Variants in CSN1S1 observed in about 807,000 individuals in gnomAD.
CSN1S1 encodes casein alpha s1.
CSN1S1 carries 63 observed loss-of-function variants against 49.1 expected under a neutral mutation model. That is an observed-to-expected ratio of 1.28 (90% CI 1.05 to 1.58). The LOEUF (loss-of-function observed/expected upper bound fraction) is 1.58. Among genes scored for constraint, CSN1S1 ranks in the 40% most tolerant of loss-of-function variants. The pLI is 0.00. For synonymous variants in CSN1S1, 78 were observed against 67.1 expected (o/e 1.16, Z -0.79); for missense variants, 260 against 224.7 (o/e 1.16, Z -1.01).
chr4:69,938,502 C>A (rs896508217), intron 9 of CSN1S1, among the ~76,000 whole-genome samples: 2 of 151,590 alleles, frequency 1.3e-5, no homozygotes, highest in African/African-American at 4.8e-5. Flanking sequence ...GATCAGTGAG[C>A]TATACTACCT....
At position 69,934,729 on chromosome 4, in the gene CSN1S1, G is replaced by T. The variant is rs1229973119; in HGVS notation, c.105+19G>T. The T allele has an allele frequency of 1.2e-6, 2 of 1,605,080 alleles. No individual in the cohort carries two copies. The highest frequency in any genetic ancestry group is 3.4e-5 in the Admixed American group (2 of 59,566). ...CAGTGAGGTAAGCTCTGTTTATGGG[G>T]AGTCAGGATTCTCTCTTCCTTTTGC... On this transcript the variant is annotated intron_variant, in intron 4 of 15. Coordinates refer to ENST00000246891, the MANE Select transcript of CSN1S1 (RefSeq NM_001890.2).
intron 10 of CSN1S1, among the ~76,000 whole-genome samples, chr4:69,939,703 A>G (rs1722912519): frequency 6.6e-6 from 1 of 151,816 alleles, no homozygotes; most frequent in South Asian, 2.1e-4. Context: ...TTGACTTTGG[A>G]AGAAGACCTT....
chr4:69,934,814 C>A, intron 4 of CSN1S1, 104 bp downstream of exon 4: 1 of 1,004,504 alleles, frequency 1.0e-6, no homozygotes, highest in Non-Finnish European at 1.5e-6. Flanking sequence ...TTTTATTTCC[C>A]TTCAAATGCA....
chr4:69,932,428 C>A, intron 1 of CSN1S1, 116 bp from the exon 2 acceptor site: 1 of 795,638 alleles, frequency 1.3e-6, no homozygotes, highest in South Asian at 1.7e-5. Context: ...TACAGCTCCT[C>A]AAATCAGCCT....
At chr4:69,937,192 A>G in intron 8 of CSN1S1, 48 bp downstream of exon 8, 2 of 1,242,050 alleles carry the variant, frequency 1.6e-6, no homozygotes, top group Admixed American at 2.6e-5. Flanking sequence ...AGGAAAAGAA[A>G]CAATACATAT....
At chr4:69,935,407 G>A (rs1199929620) in intron 4 of CSN1S1, among the ~76,000 whole-genome samples, 7 of 151,474 alleles carry the variant, frequency 4.6e-5, no homozygotes, top group African/African-American at 9.7e-5. Flanking sequence ...AAAAATAGTC[G>A]GATGTGGCGG....
chr4:69,944,714 T>C, intron 14 of CSN1S1, 136 bp from the exon 15 acceptor site: 4 of 975,370 alleles, frequency 4.1e-6, no homozygotes, highest in Non-Finnish European at 6.1e-6. Context: ...TGATTTATTC[T>C]TTTCCCTCAC....
rs1412790136 is a variant in CSN1S1 at position 69,940,063 on chromosome 4, A to G, written c.300+19A>G. On this transcript the variant is annotated intron_variant, in intron 11 of 15. Coordinates refer to ENST00000246891, the MANE Select transcript of CSN1S1 (RefSeq NM_001890.2). ...GTGTGCGGTAAGACATATTTGCTAA[A>G]TTTAAAATATATTAATATTTTCCAG... 3 of 1,275,270 alleles carry G rather than the reference A, an allele frequency of 2.4e-6. No individual in the cohort carries two copies. Among genetic ancestry groups the G allele is most frequent in the East Asian group, 5.4e-5 (2 of 36,842 alleles). 79.0% of individuals were successfully genotyped at this position (1,275,270 alleles called of 1,614,324 possible).
At chr4:69,936,342 G>A (rs192140921) in intron 5 of CSN1S1, 114 bp from the exon 6 acceptor site, 33 of 846,666 alleles carry the variant, frequency 3.9e-5, no homozygotes, top group Non-Finnish European at 5.3e-5. Context: ...CAGGAAAAAT[G>A]GATTTATTTT....
intron 2 of CSN1S1, among the ~76,000 whole-genome samples, chr4:69,933,173 A>G (rs1722663312): frequency 6.6e-6 from 1 of 151,972 alleles, no homozygotes; most frequent in Non-Finnish European, 1.5e-5. Flanking sequence ...ATGAAACTAG[A>G]TAATGTGAAT....
At position 69,941,018 on chromosome 4, in the gene CSN1S1, G is replaced by C. The variant is rs1207375817; in HGVS notation, c.301-1G>C. ...TTGAGAATATTTTTCTTTTTAAATA[G>C]GAACAGTTTTGTAGACTGAACGAAT... On this transcript the variant is annotated splice_acceptor_variant, in intron 11 of 15. Coordinates refer to ENST00000246891, the MANE Select transcript of CSN1S1 (RefSeq NM_001890.2). LOFTEE classifies it high-confidence loss of function. 4.4e-5 allele frequency: 66 copies of C among 1,500,072 alleles called. No homozygotes were observed. The highest frequency in any genetic ancestry group is 6.0e-5 in the Non-Finnish European group (66 of 1,099,066). 92.9% of individuals were successfully genotyped at this position (1,500,072 alleles called of 1,614,324 possible). A position where few individuals can be genotyped will look rare whatever the true frequency, so the allele number is the denominator to read the frequency against.
intron 4 of CSN1S1, among the ~76,000 whole-genome samples, chr4:69,935,562 T>A (rs1722749927): frequency 6.6e-6 from 1 of 152,048 alleles, no homozygotes; most frequent in South Asian, 2.1e-4. Context: ...TTGTTGTTGT[T>A]GTTGTTTAAC....
chr4:69,935,499 G>T (rs1028233838), intron 4 of CSN1S1, among the ~76,000 whole-genome samples: 14 of 152,050 alleles, frequency 9.2e-5, no homozygotes, highest in African/African-American at 3.4e-4. Flanking sequence ...GCAATGAGTC[G>T]TGATAGCACA....
At chr4:69,935,052 G>A (rs1311624660) in intron 4 of CSN1S1, among the ~76,000 whole-genome samples, 2 of 151,982 alleles carry the variant, frequency 1.3e-5, no homozygotes, top group African/African-American at 4.8e-5. Flanking sequence ...GAATTAAATG[G>A]AGCATTTGTG....
rs758863090 is a variant in CSN1S1 at position 69,934,190 on chromosome 4, A to G, written c.52-22A>G. The G allele has an allele frequency of 1.3e-5, 20 of 1,597,398 alleles. 1 individual carries two copies. The South Asian group carries it at 1.9e-4, about 15-fold the overall frequency. On this transcript the variant is annotated intron_variant, in intron 2 of 15. Transcript: ENST00000246891. ...CATTTTAGTTACTTTTTGTTTTACA[A>G]TTCTTGCATTGTTTTTCACAGAAAC...
At chr4:69,938,260 T>C (rs990144707) in intron 9 of CSN1S1, among the ~76,000 whole-genome samples, 19 of 151,764 alleles carry the variant, frequency 1.3e-4, no homozygotes, top group Non-Finnish European at 2.5e-4. Context: ...ATGAGTATGT[T>C]AGACACAGGT....
At position 69,935,912 on chromosome 4, in the gene CSN1S1, T is replaced by G. The variant is rs1722764396; in HGVS notation, c.106-14T>G. On this transcript the variant is annotated splice_polypyrimidine_tract_variant and intron_variant, in intron 4 of 15. Coordinates refer to ENST00000246891, the MANE Select transcript of CSN1S1 (RefSeq NM_001890.2). ...AACTATGAATGAATTTTAACATAAC[T>G]TTTTTTTTTGTAGCCTATACCATTA... 1 of 1,209,400 alleles carries G rather than the reference T, an allele frequency of 8.3e-7. No homozygotes were observed. Among genetic ancestry groups the G allele is most frequent in the Non-Finnish European group, 1.1e-6 (1 of 878,420 alleles). 74.9% of individuals were successfully genotyped at this position (1,209,400 alleles called of 1,614,324 possible).
rs1305179272 is a variant in CSN1S1, at chr4:69,944,834, A to G, written c.403-16A>G. On this transcript the variant is annotated splice_polypyrimidine_tract_variant and intron_variant, in intron 14 of 15. Transcript: ENST00000246891. ...TTGCTCATACACTGTTGCTTTTCAAATGTTTTTCCCTCTAGCCTTTCCAGC... is the reference window on the plus strand; with the variant it reads ...TTGCTCATACACTGTTGCTTTTCAAGTGTTTTTCCCTCTAGCCTTTCCAGC... 3.1e-6 allele frequency: 5 copies of G among 1,610,688 alleles called. No homozygotes were observed. The highest frequency in any genetic ancestry group is 4.5e-5 in the East Asian group (2 of 44,828).
Position 69,945,037 on chromosome 4 carries a change from T to C in CSN1S1, c.557+33T>C, listed in dbSNP as rs1015459785. On this transcript the variant is annotated intron_variant, in intron 15 of 15. Transcript: ENST00000246891. The stretch of plus-strand genomic sequence containing the variant: ...CATTTAAATTACTACATCTTGATGT[T>C]CTACCAAAGGAATGAAATAGAATAG... 1.9e-6 allele frequency: 3 copies of C among 1,604,296 alleles called. No individual in the cohort carries two copies. The African/African-American group carries it at 4.0e-5, about 21-fold the overall frequency.
Sources: allele counts gnomAD v4.1 joint callset (sites outside exome capture counted in the v4.1 genomes callset), GRCh38; gene constraint gnomAD v4.1.1; transcripts MANE v1.5; gene names NCBI Gene and HGNC (gene_info 2026-07-23, HGNC 2026-07-21).